TSPAN18: variants seen among roughly 807,000 people sequenced by gnomAD.
The protein encoded by TSPAN18 is tetraspanin 18, also known as tetraspanin-18.
In TSPAN18, 14 loss-of-function variants were observed where a neutral mutation model predicts 27.3. The ratio of observed to expected loss-of-function variants is 0.51; its 90% CI spans 0.34 to 0.80. The LOEUF (loss-of-function observed/expected upper bound fraction) is 0.80. Ranked by LOEUF, TSPAN18 falls within the 30% of genes least tolerant of loss-of-function variation. The pLI is 0.01. For missense variants in TSPAN18, 268 were observed against 323.9 expected, an observed-to-expected ratio of 0.83 and a Z score of 1.32; for synonymous variants, 143 against 136.5, an observed-to-expected ratio of 1.05 and a Z score of -0.33.
At chr11:44,896,538 G>T (rs860688) in intron 3 of TSPAN18, among the ~76,000 whole-genome samples, 144,792 of 152,146 alleles carry the variant, frequency 0.95, 69,337 homozygotes, top group East Asian at 1. Context: ...CTGTCACATA[G>T]GTATGTTTAG....
chr11:44,732,402 T>G (rs1854684979), intron 1 of TSPAN18, among the ~76,000 whole-genome samples: 1 of 152,190 alleles, frequency 6.6e-6, no homozygotes, highest in African/African-American at 2.4e-5. Context: ...TCAGAGTAAG[T>G]GGTGGGATTG....
In TSPAN18 at chr11:44,821,583, A is replaced by C. The variant is rs11038167; in HGVS notation, c.-152-38745A>C. On this transcript the variant is annotated intron_variant, in intron 2 of 9. Transcript: ENST00000520358. The stretch of plus-strand genomic sequence containing the variant: ...CTGTGGGGTCAGTGGGTGAGATGAC[A>C]CTCATCAGCTATGTTATTTTAGACA... Among the ~76,000 whole-genome samples, 8,122 of 152,184 alleles carry C rather than the reference A, an allele frequency of 0.053. 1,467 individuals are homozygous for C. The East Asian group carries it at 0.62, about 12-fold the overall frequency.
intron 3 of TSPAN18, among the ~76,000 whole-genome samples, chr11:44,896,781 T>TACCACC (rs1555000632): frequency 5.9e-4 from 90 of 151,884 alleles, no homozygotes; most frequent in Middle Eastern, 3.4e-3. Flanking sequence ...TCCTCCACGC[T>TACCACC]GCCACCACCA....
intron 1 of TSPAN18, among the ~76,000 whole-genome samples, chr11:44,757,168 A>G (rs1187638897): frequency 1.3e-5 from 2 of 152,328 alleles, no homozygotes; most frequent in East Asian, 3.9e-4. Context: ...AGGAACTGTC[A>G]TACCGTTTTC....
intron 8 of TSPAN18, among the ~76,000 whole-genome samples, chr11:44,921,291 T>A (rs1590696598): frequency 6.6e-6 from 1 of 151,846 alleles, no homozygotes; most frequent in South Asian, 2.1e-4. Flanking sequence ...CAGGCAGGGG[T>A]GGGCTGTTAA....
chr11:44,789,699 C>T (rs866113036), intron 2 of TSPAN18, among the ~76,000 whole-genome samples: 2 of 151,888 alleles, frequency 1.3e-5, no homozygotes, highest in South Asian at 2.1e-4. Flanking sequence ...TGATGGTATT[C>T]GTGGAATGAG....
At chr11:44,901,833 G>C (rs926325205) in intron 3 of TSPAN18, among the ~76,000 whole-genome samples, 1 of 152,186 alleles carries the variant, frequency 6.6e-6, no homozygotes, top group Admixed American at 6.5e-5. Flanking sequence ...TACTGGCCAG[G>C]TTACTTGACC....
At chr11:44,859,690 G>C (rs1857826522) in intron 2 of TSPAN18, 1 of 152,382 alleles carries the variant, frequency 6.6e-6, no homozygotes. Context: ...GCATGCAACA[G>C]GCTCCTGCTA....
intron 3 of TSPAN18, among the ~76,000 whole-genome samples, chr11:44,895,769 G>A (rs553556016): frequency 1.6e-3 from 247 of 152,284 alleles, no homozygotes; most frequent in African/African-American, 5.6e-3. Flanking sequence ...TCTCATATCA[G>A]CCTCAGTGTC....
chr11:44,734,412 TCTC>T (rs1415158845), intron 1 of TSPAN18, among the ~76,000 whole-genome samples: 5 of 152,200 alleles, frequency 3.3e-5, no homozygotes, highest in African/African-American at 1.2e-4. Flanking sequence ...GTCTCAGTTT[TCTC>T]CTCTGCAAAA....
intron 2 of TSPAN18, among the ~76,000 whole-genome samples, chr11:44,767,421 G>A (rs554643016): frequency 1.3e-5 from 2 of 152,334 alleles, no homozygotes; most frequent in South Asian, 4.2e-4. Context: ...GTTTGTGGGA[G>A]CTCCTCATGG....
intron 2 of TSPAN18, among the ~76,000 whole-genome samples, chr11:44,823,395 C>T (rs1164667118): frequency 6.6e-6 from 1 of 152,198 alleles, no homozygotes; most frequent in African/African-American, 2.4e-5. Flanking sequence ...CTTTCTCTCC[C>T]CCGAAGTCGG....
intron 2 of TSPAN18, among the ~76,000 whole-genome samples, chr11:44,789,190 T>G (rs1406184956): frequency 3.3e-5 from 5 of 152,224 alleles, no homozygotes; most frequent in Admixed American, 2.0e-4. Flanking sequence ...TACCAGTGTT[T>G]GCGTGACGCA....
chr11:44,910,156 G>T (rs540574917), intron 5 of TSPAN18, among the ~76,000 whole-genome samples: 1 of 152,236 alleles, frequency 6.6e-6, no homozygotes, highest in African/African-American at 2.4e-5. Context: ...TGATACAGAC[G>T]CTAGGTCAGG....
At chr11:44,792,322 C>T (rs542848993) in intron 2 of TSPAN18, among the ~76,000 whole-genome samples, 62 of 152,226 alleles carry the variant, frequency 4.1e-4, no homozygotes, top group South Asian at 1.7e-3. Context: ...CGGGGACAGT[C>T]GCAGGCAGAG....
intron 4 of TSPAN18, among the ~76,000 whole-genome samples, chr11:44,907,221 C>G (rs533674937): frequency 1.1e-4 from 17 of 152,298 alleles, no homozygotes; most frequent in African/African-American, 4.1e-4. Context: ...TGCTGGTGAC[C>G]CACTGAAGGC....
At chr11:44,787,506 C>G (rs1856087265) in intron 2 of TSPAN18, among the ~76,000 whole-genome samples, 1 of 152,188 alleles carries the variant, frequency 6.6e-6, no homozygotes, top group Non-Finnish European at 1.5e-5. Context: ...TTCTCATCCT[C>G]TTAGACAGAG....
intron 5 of TSPAN18, among the ~76,000 whole-genome samples, chr11:44,916,912 G>A (rs920134618): frequency 6.6e-6 from 1 of 152,252 alleles, no homozygotes; most frequent in African/African-American, 2.4e-5. Flanking sequence ...GCTATGCTGA[G>A]TAATGAAGGC....
chr11:44,755,497 C>T (rs1468410455), intron 1 of TSPAN18, among the ~76,000 whole-genome samples: 17 of 151,934 alleles, frequency 1.1e-4, no homozygotes, highest in African/African-American at 3.4e-4. Context: ...AGGTTCTCAG[C>T]GCTCAGGTGG....
Sources: allele counts gnomAD v4.1 joint callset (sites outside exome capture counted in the v4.1 genomes callset), GRCh38; gene constraint gnomAD v4.1.1; transcripts MANE v1.5; gene names NCBI Gene and HGNC (gene_info 2026-07-23, HGNC 2026-07-21).